The following BZW1 variants were observed in gnomAD, a reference collection of about 807,000 sequenced individuals.
The protein encoded by BZW1 is eIF5-mimic protein 2.
A neutral mutation model predicts 54.1 loss-of-function variants in BZW1; 3 were observed. The observed-to-expected ratio is 0.06, with a 90% CI of 0.03 to 0.14. BZW1 has a LOEUF of 0.14. Ranked by LOEUF, BZW1 falls within the 10% of genes least tolerant of loss-of-function variation. The probability of loss-of-function intolerance (pLI) is 1.00; values close to 1 mark genes in which losing one functional copy is unlikely to be tolerated. For synonymous variants in BZW1, 152 were observed against 162.7 expected, an observed-to-expected ratio of 0.93 and a Z score of 0.50; for missense variants, 206 against 491.7, an observed-to-expected ratio of 0.42 and a Z score of 5.50.
chr2:200,817,386 CATTT>C (rs2038334014), intron 6 of BZW1, 145 bp downstream of exon 6: 1 of 1,069,346 alleles, frequency 9.4e-7, no homozygotes, highest in South Asian at 1.6e-5. Flanking sequence ...ATTCACTAGA[CATTT>C]AATGAATACC....
At position 200,823,989 on chromosome 2, in the gene BZW1, T is replaced by C. The variant is rs1384686247; in HGVS notation, c.*1811T>C. ...AAACCACCTACACAGAATTCTGGTG[T>C]AGCTAAAACTACATTAATATTTCTA... On this transcript the variant is annotated 3_prime_UTR_variant, in exon 12 of 12. Transcript: ENST00000409600. 1 of 152,192 alleles carries C rather than the reference T, an allele frequency of 6.6e-6. No individual in the cohort carries two copies. The highest frequency in any genetic ancestry group is 1.5e-5 in the Non-Finnish European group (1 of 68,012). The allele number at this position is 152,192 out of a possible 1,614,324, so 9.4% of individuals were successfully genotyped here.
intron 2 of BZW1, among the ~76,000 whole-genome samples, chr2:200,814,792 ACT>A (rs1192986377): frequency 1.3e-5 from 2 of 152,080 alleles, no homozygotes; most frequent in Non-Finnish European, 2.9e-5. Flanking sequence ...AATTTCTCTG[ACT>A]CTCAGTTTTC....
chr2:200,816,136 AC>A (rs1221232465), intron 4 of BZW1, among the ~76,000 whole-genome samples, 188 bp from the exon 5 acceptor site: 1 of 152,240 alleles, frequency 6.6e-6, no homozygotes, highest in Non-Finnish European at 1.5e-5. Context: ...AAAGTTTCAT[AC>A]GTAGTTATGT....
At chr2:200,813,448 C>G in intron 2 of BZW1, 167 bp downstream of exon 2, 3 of 590,618 alleles carry the variant, frequency 5.1e-6, no homozygotes, top group Non-Finnish European at 5.9e-6. Context: ...AATATTTCTA[C>G]TGCTTTACTG....
At chr2:200,814,567 G>A (rs192781375) in intron 2 of BZW1, among the ~76,000 whole-genome samples, 41 of 152,294 alleles carry the variant, frequency 2.7e-4, no homozygotes, top group Non-Finnish European at 4.7e-4. Flanking sequence ...TGGTCTGGGA[G>A]CTTTCTATTT....
chr2:200,812,242 C>G lies in BZW1; in HGVS notation c.-11+252C>G, dbSNP rs562611658. On this transcript the variant is annotated intron_variant, in intron 1 of 11. Coordinates refer to ENST00000409600, the MANE Select transcript of BZW1 (RefSeq NM_001207067.2). Reference sequence around the variant, plus strand: ...CGGCGCTGGCTGCGAAGGCAGTGGCCGAGGCGGGCTCCCTCTGGGCCGTGC... The same window carrying G: ...CGGCGCTGGCTGCGAAGGCAGTGGCGGAGGCGGGCTCCCTCTGGGCCGTGC... The G allele has an allele frequency of 5.7e-6, 7 of 1,229,370 alleles. No individual in the cohort carries two copies. The East Asian group carries it at 1.3e-4, about 22-fold the overall frequency. The allele number at this position is 1,229,370 out of a possible 1,614,324, so 76.2% of individuals were successfully genotyped here.
In BZW1 at chr2:200,814,754, A is replaced by G. The variant is rs373396572; in HGVS notation, c.65-587A>G. ...AACTCCAGAGCCCATGTACTGAACT[A>G]CTACACAATATAGTCTCTTGATTAC... On this transcript the variant is annotated intron_variant, in intron 2 of 11. Coordinates refer to ENST00000409600, the MANE Select transcript of BZW1 (RefSeq NM_001207067.2). 5.9e-5 allele frequency among the ~76,000 whole-genome samples: 9 copies of G among 152,294 alleles called. No individual in the cohort carries two copies. In the East Asian group the frequency reaches 1.7e-3, roughly 29 times the overall value.
chr2:200,825,383 A>T lies in BZW1; in HGVS notation c.*3205A>T, dbSNP rs1006808843. The T allele has an allele frequency of 2.0e-5, 3 of 152,002 alleles. No individual in the cohort carries two copies. The highest frequency in any genetic ancestry group is 3.1e-3 in the Middle Eastern group (1 of 318). The allele number at this position is 152,002 out of a possible 1,614,324, so 9.4% of individuals were successfully genotyped here. On this transcript the variant is annotated 3_prime_UTR_variant, in exon 12 of 12. Transcript: ENST00000409600. ...AATTTTTTTTTTTTAAATCCTTGGT[A>T]GTGATTGACCCCCATTGAGAATGCA...
In BZW1 at chr2:200,821,331, G is replaced by C. The variant is rs1180303056; in HGVS notation, c.1228+26G>C. ...GTAAGGATTTTCCTTTGTGTGGTTT[G>C]TTTGGTAAAGCTAATTTTAATGTGG... On this transcript the variant is annotated intron_variant, in intron 11 of 11. Transcript: ENST00000409600. The C allele has an allele frequency of 3.1e-6, 5 of 1,610,708 alleles. No individual in the cohort carries two copies. The Admixed American group carries it at 8.4e-5, about 27-fold the overall frequency.
chr2:200,826,407 A>AGATAGATAGATTTTT lies in BZW1; in HGVS notation c.*4229_*4230insGATAGATAGATTTTT, dbSNP rs1559318394. 1 of 54,946 alleles carries AGATAGATAGATTTTT rather than the reference A, an allele frequency of 1.8e-5. No homozygotes were observed. Among genetic ancestry groups the AGATAGATAGATTTTT allele is most frequent in the African/African-American group, 8.5e-5 (1 of 11,752 alleles). The allele number at this position is 54,946 out of a possible 1,614,324, so 3.4% of individuals were successfully genotyped here. ...TAGATAGATAGATAGATAGATAGAT[A>AGATAGATAGATTTTT]TTTTTTTTTTTTTTTTTTTTTTTTT... On this transcript the variant is annotated 3_prime_UTR_variant, in exon 12 of 12. Transcript: ENST00000409600.
intron 1 of BZW1, chr2:200,812,379 C>G: frequency 7.8e-7 from 1 of 1,285,762 alleles, no homozygotes; most frequent in Non-Finnish European, 9.8e-7. Flanking sequence ...CCGCCGCCTC[C>G]GCCGCTGCTT....
In BZW1 at chr2:200,824,716, GGCT is replaced by G. The variant is rs1378259875; in HGVS notation, c.*2540_*2542del. On this transcript the variant is annotated 3_prime_UTR_variant, in exon 12 of 12. Coordinates refer to ENST00000409600, the MANE Select transcript of BZW1 (RefSeq NM_001207067.2). ...GAGACGGAGTCTCGCTCTGTCACCA[GGCT>G]GGAGTGCAGTGGCGCGATCTTGGCT... 2 of 140,636 alleles carry G rather than the reference GGCT, an allele frequency of 1.4e-5. No individual in the cohort carries two copies. Among genetic ancestry groups the G allele is most frequent in the African/African-American group, 5.4e-5 (2 of 36,796 alleles). 8.7% of individuals were successfully genotyped at this position (140,636 alleles called of 1,614,324 possible).
chr2:200,814,222 C>T (rs2038205005), intron 2 of BZW1, among the ~76,000 whole-genome samples: 1 of 152,142 alleles, frequency 6.6e-6, no homozygotes, highest in Non-Finnish European at 1.5e-5. Flanking sequence ...ACTGATGTTA[C>T]CTTGATACAA....
intron 10 of BZW1, among the ~76,000 whole-genome samples, 169 bp from the exon 11 acceptor site, chr2:200,821,014 G>A (rs1480548556): frequency 2.0e-5 from 3 of 152,218 alleles, no homozygotes; most frequent in Admixed American, 6.5e-5. Context: ...TCTTGATCCC[G>A]TTGAGTGTAG....
rs1559318418 is a variant in BZW1, at chr2:200,826,409, T to TAGATAGATAGA, written c.*4231_*4232insAGATAGATAGA. 1.4e-3 allele frequency: 48 copies of TAGATAGATAGA among 35,256 alleles called. No homozygotes were observed. The highest frequency in any genetic ancestry group is 7.9e-3 in the Admixed American group (29 of 3,684). 2.2% of individuals were successfully genotyped at this position (35,256 alleles called of 1,614,324 possible). A position where few individuals can be genotyped will look rare whatever the true frequency, so the allele number is the denominator to read the frequency against. On this transcript the variant is annotated 3_prime_UTR_variant, in exon 12 of 12. Coordinates refer to ENST00000409600, the MANE Select transcript of BZW1 (RefSeq NM_001207067.2). ...GATAGATAGATAGATAGATAGATATTTTTTTTTTTTTTTTTTTTTTTTTTT... is the reference window on the plus strand; with the variant it reads ...GATAGATAGATAGATAGATAGATATTAGATAGATAGATTTTTTTTTTTTTTTTTTTTTTTTT...
At chr2:200,817,027 G>A in intron 5 of BZW1, 79 bp from the exon 6 acceptor site, 3 of 1,501,724 alleles carry the variant, frequency 2.0e-6, no homozygotes, top group South Asian at 1.2e-5. Context: ...TGAACAGGTA[G>A]CCAGTATAAC....
intron 2 of BZW1, among the ~76,000 whole-genome samples, chr2:200,815,116 AG>A (rs1437817116): frequency 2.0e-5 from 3 of 152,266 alleles, no homozygotes; most frequent in African/African-American, 7.2e-5. Context: ...TTATGGCAGT[AG>A]GAACACAAGA....
chr2:200,820,237 A>T (rs1346205345), intron 10 of BZW1, 117 bp downstream of exon 10: 2 of 942,246 alleles, frequency 2.1e-6, no homozygotes, highest in Admixed American at 3.1e-5. Context: ...ACTTCTAGTT[A>T]TGAGTCACCT....
Position 200,815,498 on chromosome 2 carries a change from G to A in BZW1, c.222G>A (p.Leu74=). 1 of 1,613,904 alleles carries A rather than the reference G, an allele frequency of 6.2e-7. No homozygotes were observed. Among genetic ancestry groups the A allele is most frequent in the Non-Finnish European group, 8.5e-7 (1 of 1,179,856 alleles). Reference sequence around the variant, plus strand: ...ATGCAGAAACACTCTTTGACATTCTGGTGGCTGGTGGAATGCTGGGTAAGT... The same window carrying A: ...ATGCAGAAACACTCTTTGACATTCTAGTGGCTGGTGGAATGCTGGGTAAGT... The part of the protein sequence containing the change: ...RRYAETLFDI[L]VAGGMLAPGG... Residue 74 remains leucine (L), a synonymous_variant, in exon 3 of 12, where the codon CTG becomes CTA. Transcript: ENST00000409600.
Sources: gnomAD v4.1 joint callset for allele counts (sites outside exome capture counted in the v4.1 genomes callset) on GRCh38, gnomAD v4.1.1 for gene constraint, MANE v1.5 for transcripts, NCBI Gene and HGNC (gene_info 2026-07-23, HGNC 2026-07-21) for gene names.